The following PTPRK variants were observed in gnomAD, a reference collection of about 807,000 sequenced individuals.
The protein encoded by PTPRK is receptor-type tyrosine-protein phosphatase kappa.
Under a neutral mutation model 178.0 loss-of-function variants are expected in PTPRK, and 75 were observed. The observed-to-expected ratio is 0.42, with a 90% confidence interval of 0.35 to 0.51. The LOEUF is 0.51. Ranked by LOEUF, PTPRK falls within the 20% of genes least tolerant of loss-of-function variation. The probability of loss-of-function intolerance (pLI) is 0.02; values close to 1 mark genes in which losing one functional copy is unlikely to be tolerated. For synonymous variants in PTPRK, 637 were observed against 620.6 expected, an observed-to-expected ratio of 1.03 and a Z score of -0.39; for missense variants, 1,441 against 1,797.8, an observed-to-expected ratio of 0.80 and a Z score of 3.59.
intron 2 of PTPRK, among the ~76,000 whole-genome samples, chr6:128,378,785 C>T (rs1404248740): frequency 1.3e-5 from 2 of 152,034 alleles, no homozygotes; most frequent in African/African-American, 4.8e-5. Flanking sequence ...TTTGTCACTT[C>T]CTGCTTTCAT....
In PTPRK at chr6:128,070,567, T is replaced by A. The variant is rs146456036; in HGVS notation, c.1884-2775A>T. 2.6e-5 allele frequency among the ~76,000 whole-genome samples: 4 copies of A among 152,074 alleles called. No individual in the cohort carries two copies. In the East Asian group the frequency reaches 7.8e-4, roughly 30 times the overall value. On this transcript the variant is annotated intron_variant, in intron 11 of 29. Coordinates refer to ENST00000368226, the MANE Select transcript of PTPRK (RefSeq NM_002844.4). The stretch of plus-strand genomic sequence containing the variant: ...TACAAAAAGACTTCTGAGAACTGGC[T>A]TCCAAGCATACTTTCTAAAACATTC...
chr6:128,423,680 T>C (rs987571722), intron 1 of PTPRK, among the ~76,000 whole-genome samples: 2 of 151,656 alleles, frequency 1.3e-5, no homozygotes, highest in African/African-American at 2.4e-5. Context: ...ATACAATACT[T>C]AGCCAGGAGG....
chr6:127,981,362 AT>A, intron 24 of PTPRK, 73 bp from the exon 25 acceptor site: 1 of 1,324,228 alleles, frequency 7.6e-7, no homozygotes. Context: ...TCCATCAGGA[AT>A]TTAGAAGGCC....
At chr6:128,132,709 T>C (rs995831299) in intron 7 of PTPRK, among the ~76,000 whole-genome samples, 7 of 152,224 alleles carry the variant, frequency 4.6e-5, no homozygotes, top group African/African-American at 1.7e-4. Context: ...ACTCATAATA[T>C]CCTCCACAAA....
rs750749760 is a variant in PTPRK at position 128,078,930 on chromosome 6, T to A, written c.1778-12A>T. On this transcript the variant is annotated splice_polypyrimidine_tract_variant and intron_variant, in intron 10 of 29. Transcript: ENST00000368226. Reference sequence around the variant, plus strand: ...AGGTAAAGTTGGAGCTGATGAGTGATTAATGAGATAAAAAAGGTTCAATTA... The same window carrying A: ...AGGTAAAGTTGGAGCTGATGAGTGAATAATGAGATAAAAAAGGTTCAATTA... 7.1e-6 allele frequency: 11 copies of A among 1,539,148 alleles called. No individual in the cohort carries two copies. In the African/African-American group the frequency reaches 1.2e-4, roughly 17 times the overall value.
intron 1 of PTPRK, among the ~76,000 whole-genome samples, chr6:128,468,921 C>CAAAAAAA (rs375371831): frequency 2.2e-5 from 2 of 90,598 alleles, no homozygotes; most frequent in African/African-American, 7.6e-5. Flanking sequence ...AACACCTTTT[C>CAAAAAAA]AAAAAAAAAA....
chr6:128,298,582 T>A (rs1381730139), intron 3 of PTPRK, among the ~76,000 whole-genome samples: 1 of 151,586 alleles, frequency 6.6e-6, no homozygotes, highest in Non-Finnish European at 1.5e-5. Flanking sequence ...AATCAATAAA[T>A]GTAATCCAGC....
At chr6:128,043,784 T>C (rs184208683) in intron 13 of PTPRK, among the ~76,000 whole-genome samples, 140 of 133,098 alleles carry the variant, frequency 1.1e-3, no homozygotes, top group Non-Finnish European at 1.3e-3. Context: ...AAGTTATACA[T>C]ATAAAAGAAT....
intron 1 of PTPRK, among the ~76,000 whole-genome samples, chr6:128,404,807 T>A (rs1181310452): frequency 6.6e-6 from 1 of 152,060 alleles, no homozygotes; most frequent in Admixed American, 6.5e-5. Flanking sequence ...GAAGAAAAAA[T>A]GAAACTTGCC....
chr6:128,220,761 A>G (rs1810257029), intron 5 of PTPRK, among the ~76,000 whole-genome samples: 2 of 152,240 alleles, frequency 1.3e-5, no homozygotes, highest in African/African-American at 4.8e-5. Flanking sequence ...ATTTCTGAGT[A>G]GCAAATAAAT....
At chr6:128,410,248 C>T (rs1021832605) in intron 1 of PTPRK, among the ~76,000 whole-genome samples, 2 of 152,304 alleles carry the variant, frequency 1.3e-5, no homozygotes, top group South Asian at 4.1e-4. Context: ...TTTTAACCTC[C>T]AACCAGTGAA....
intron 1 of PTPRK, among the ~76,000 whole-genome samples, chr6:128,405,598 A>G (rs567255676): frequency 6.6e-6 from 1 of 152,306 alleles, no homozygotes; most frequent in East Asian, 1.9e-4. Context: ...AAACCACCCA[A>G]GCTCACATTT....
intron 2 of PTPRK, among the ~76,000 whole-genome samples, chr6:128,336,583 C>A (rs1478047659): frequency 2.0e-5 from 3 of 152,136 alleles, no homozygotes; most frequent in Non-Finnish European, 4.4e-5. Flanking sequence ...CTTTCATTAA[C>A]ATTCATAAGC....
intron 6 of PTPRK, among the ~76,000 whole-genome samples, chr6:128,210,427 G>T (rs1807912314): frequency 1.9e-5 from 2 of 104,634 alleles, no homozygotes; most frequent in African/African-American, 3.8e-5. Context: ...GAAAATAATT[G>T]CCATTTGGCC....
At chr6:128,372,769 C>T (rs1442823453) in intron 2 of PTPRK, among the ~76,000 whole-genome samples, 1 of 152,042 alleles carries the variant, frequency 6.6e-6, no homozygotes, top group South Asian at 2.1e-4. Context: ...GGAGAAGACC[C>T]CTACCTGGCT....
At chr6:128,167,398 G>A (rs1422247302) in intron 7 of PTPRK, among the ~76,000 whole-genome samples, 4 of 151,728 alleles carry the variant, frequency 2.6e-5, no homozygotes, top group African/African-American at 9.7e-5. Flanking sequence ...TTTCTAAATT[G>A]AACAAAAGGA....
rs138010774 is a variant in PTPRK at position 127,977,758 on chromosome 6, G to T, written c.3712-704C>A. ...TATTTCCTGTCCCCACATAAGCGGG[G>T]AGATAGCTCCTTGTTAACCAAGTCC... On this transcript the variant is annotated intron_variant, in intron 25 of 29. Transcript: ENST00000368226. Among the ~76,000 whole-genome samples the T allele has an allele frequency of 1.5e-3, 235 of 152,290 alleles. 1 individual carries two copies. The highest frequency in any genetic ancestry group is 5.2e-3 in the African/African-American group (217 of 41,554).
chr6:128,067,941 C>G, intron 11 of PTPRK, 149 bp from the exon 12 acceptor site: 1 of 673,620 alleles, frequency 1.5e-6, no homozygotes, highest in Non-Finnish European at 2.2e-6. Flanking sequence ...CTCTTTTCAG[C>G]TATTTCGCAA....
chr6:128,014,013 T>C (rs1779332692), intron 13 of PTPRK, among the ~76,000 whole-genome samples: 2 of 151,650 alleles, frequency 1.3e-5, no homozygotes, highest in South Asian at 2.1e-4. Context: ...TTGCTCACCA[T>C]TGAATTTCTA....
Sources: gnomAD v4.1 joint callset for allele counts (sites outside exome capture counted in the v4.1 genomes callset) on GRCh38, gnomAD v4.1.1 for gene constraint, MANE v1.5 for transcripts, NCBI Gene and HGNC (gene_info 2026-07-23, HGNC 2026-07-21) for gene names.